TRPM2: variants seen among roughly 807,000 people sequenced by gnomAD.
The protein encoded by TRPM2 is estrogen-responsive element-associated gene 1 protein.
In TRPM2, 161 loss-of-function variants were observed where a neutral mutation model predicts 174.0. The observed-to-expected ratio is 0.93, with a 90% CI of 0.81 to 1.05. The LOEUF (loss-of-function observed/expected upper bound fraction) is 1.05. Ranked by LOEUF, TRPM2 falls within the 50% of genes least tolerant of loss-of-function variation. The pLI is 0.00. For missense variants in TRPM2, 2,057 were observed against 2,038.0 expected, an observed-to-expected ratio of 1.01 and a Z score of -0.18; for synonymous variants, 954 against 861.3, an observed-to-expected ratio of 1.11 and a Z score of -1.88.
chr21:44,382,826 G>C lies in TRPM2; in HGVS notation c.1318+6G>C. 1 of 1,611,392 alleles carries C rather than the reference G, an allele frequency of 6.2e-7. No individual in the cohort carries two copies. The stretch of plus-strand genomic sequence containing the variant: ...CTTGCAGGCCTTGCTGAAAGGTGAG[G>C]GTCAGGGAACATGGGGGCAATGGGG... On this transcript the variant is annotated splice_donor_region_variant and intron_variant, in intron 9 of 31. Coordinates refer to ENST00000397928, the MANE Select transcript of TRPM2 (RefSeq NM_003307.4).
In TRPM2 at chr21:44,366,680, A is replaced by G. The variant is rs2048371071; in HGVS notation, c.424-74A>G. 4 of 1,605,142 alleles carry G rather than the reference A, an allele frequency of 2.5e-6. No homozygotes were observed. The highest frequency in any genetic ancestry group is 2.1e-4 in the Middle Eastern group (1 of 4,820). On this transcript the variant is annotated intron_variant, in intron 3 of 31. Coordinates refer to ENST00000397928, the MANE Select transcript of TRPM2 (RefSeq NM_003307.4). The surrounding 1 kb of genome is among the most constrained non-coding windows in gnomAD (Gnocchi z 6.0). ...CTGCCGCCCGCTGGGGCCTCTCTGC[A>G]TGGCCTGTGTGGGTCGGTGCTGTCC...
At chr21:44,440,039 A>C (rs1292129408) in intron 30 of TRPM2, among the ~76,000 whole-genome samples, 1 of 151,268 alleles carries the variant, frequency 6.6e-6, no homozygotes, top group Non-Finnish European at 1.5e-5. Flanking sequence ...CGCTCTTTAT[A>C]AAAGCAGGCT....
chr21:44,397,947 C>G lies in TRPM2; in HGVS notation c.2062+71C>G, dbSNP rs1255794901. On this transcript the variant is annotated intron_variant, in intron 13 of 31. Coordinates refer to ENST00000397928, the MANE Select transcript of TRPM2 (RefSeq NM_003307.4). ...ATGCCCTCACCTGGAGTTCCCATCC[C>G]TGGGTCTCAGCCCCATGTGCCCTCA... 14 of 1,473,390 alleles carry G rather than the reference C, an allele frequency of 9.5e-6. No homozygotes were observed. In the East Asian group the frequency reaches 3.4e-4, roughly 36 times the overall value. The allele number at this position is 1,473,390 out of a possible 1,614,324, so 91.3% of individuals were successfully genotyped here.
In TRPM2 at chr21:44,399,532, TCA is replaced by T. The variant is rs2049543781; in HGVS notation, c.2208+96_2208+97del. On this transcript the variant is annotated intron_variant, in intron 14 of 31. Coordinates refer to ENST00000397928, the MANE Select transcript of TRPM2 (RefSeq NM_003307.4). The surrounding 1 kb of genome is among the most constrained non-coding windows in gnomAD (Gnocchi z 4.6). ...CTGTTCGTGCAGTTGGCACGCACAC[TCA>T]CACAGGCTTCAGGGCCCTCAGCAGC... is the stretch of plus-strand genomic sequence containing the variant. The T allele has an allele frequency of 6.7e-7, 1 of 1,487,082 alleles. No individual in the cohort carries two copies. The highest frequency in any genetic ancestry group is 9.0e-7 in the Non-Finnish European group (1 of 1,114,158). The allele number at this position is 1,487,082 out of a possible 1,614,324, so 92.1% of individuals were successfully genotyped here. A position where few individuals can be genotyped will look rare whatever the true frequency, so the allele number is the denominator to read the frequency against.
intron 28 of TRPM2, 132 bp downstream of exon 28, chr21:44,435,349 G>A (rs2051204173): frequency 1.1e-6 from 1 of 890,252 alleles, no homozygotes; most frequent in Non-Finnish European, 1.7e-6. Flanking sequence ...GTGCCTACTG[G>A]GGGGATGCGG....
rs141640522 is a variant in TRPM2, at chr21:44,354,732, G to A, written c.250G>A (p.Ala84Thr). Residue 84 changes from alanine to threonine, a missense_variant, in exon 2 of 32, where the codon GCT becomes ACT. Transcript: ENST00000397928. The surrounding 1 kb of genome is among the most constrained non-coding windows in gnomAD (Gnocchi z 4.3). ...YFVESSKLSD[A>T]GKVVCQCGYT... ...TGTGGAAAGTTCCAAACTGTCTGAT[G>A]CTGGGTAAGTGACGTGATTTGTGTG... The A allele has an allele frequency of 3.1e-6, 5 of 1,614,124 alleles. No individual in the cohort carries two copies. The highest frequency in any genetic ancestry group is 3.4e-6 in the Non-Finnish European group (4 of 1,179,966).
intron 5 of TRPM2, among the ~76,000 whole-genome samples, chr21:44,370,867 C>T (rs183991781): frequency 3.3e-5 from 5 of 152,326 alleles, no homozygotes; most frequent in African/African-American, 4.8e-5. Flanking sequence ...TGAGTTCAGA[C>T]GACTTCCCGT....
Position 44,369,211 on chromosome 21 carries a change from C to A in TRPM2, c.639C>A (p.Gly213=). 2 of 1,612,924 alleles carry A rather than the reference C, an allele frequency of 1.2e-6. No individual in the cohort carries two copies. The highest frequency in any genetic ancestry group is 1.7e-6 in the Non-Finnish European group (2 of 1,179,606). ...TCATCACAGGGGGGTCCCACACCGG[C>A]GTCATGAAGCAGGTAGGCGAGGCGG... ...AWIITGGSHT[G]VMKQVGEAVR... Residue 213 remains glycine (G), a synonymous_variant, in exon 5 of 32, where the codon GGC becomes GGA. Transcript: ENST00000397928.
At chr21:44,404,278 ATG>A (rs1271619295) in intron 16 of TRPM2, among the ~76,000 whole-genome samples, 2 of 151,346 alleles carry the variant, frequency 1.3e-5, no homozygotes, top group Non-Finnish European at 2.9e-5. Context: ...ATGCAAATGT[ATG>A]TGCATACACA....
intron 14 of TRPM2, 136 bp from the exon 15 acceptor site, chr21:44,400,123 T>G: frequency 1.5e-6 from 1 of 684,846 alleles, no homozygotes; most frequent in Non-Finnish European, 2.4e-6. Context: ...AAGCTCTGTG[T>G]CTTCACCACT....
intron 19 of TRPM2, among the ~76,000 whole-genome samples, chr21:44,407,751 C>T (rs1280973440): frequency 5.3e-5 from 8 of 151,726 alleles, no homozygotes; most frequent in African/African-American, 1.2e-4. Context: ...GGTTTGTCAC[C>T]GTGTATCAGT....
chr21:44,416,956 G>A (rs1272205248), intron 20 of TRPM2, among the ~76,000 whole-genome samples: 37 of 122,438 alleles, frequency 3.0e-4, no homozygotes, highest in African/African-American at 3.2e-4. Context: ...CAGTGGGCAC[G>A]TGGGCGTGGC....
At chr21:44,363,260 C>T (rs535469485) in intron 2 of TRPM2, among the ~76,000 whole-genome samples, 1 of 152,112 alleles carries the variant, frequency 6.6e-6, no homozygotes, top group Non-Finnish European at 1.5e-5. Context: ...GGATCACTGT[C>T]TTTTTCTTTT....
intron 22 of TRPM2, among the ~76,000 whole-genome samples, chr21:44,419,510 T>A (rs2050434142): frequency 1.0e-4 from 1 of 9,912 alleles, no homozygotes; most frequent in East Asian, 2.4e-3. Context: ...CCCTTACTTA[T>A]GAGTAGTGGG....
intron 20 of TRPM2, among the ~76,000 whole-genome samples, chr21:44,414,306 G>T (rs929465980): frequency 1.3e-5 from 2 of 152,246 alleles, no homozygotes; most frequent in Non-Finnish European, 2.9e-5. Flanking sequence ...TGTCCTTGTG[G>T]CTGCTGGGGA....
intron 22 of TRPM2, among the ~76,000 whole-genome samples, chr21:44,421,324 A>G (rs1458390867): frequency 1.3e-5 from 2 of 152,078 alleles, no homozygotes; most frequent in South Asian, 2.1e-4. Context: ...CCTAAAAAAA[A>G]AAAAAATTTA....
chr21:44,387,169 G>C (rs1189987025), intron 9 of TRPM2, among the ~76,000 whole-genome samples: 1 of 152,166 alleles, frequency 6.6e-6, no homozygotes, highest in East Asian at 1.9e-4. Flanking sequence ...CTGGGCAACA[G>C]AGCAAGACCC....
At position 44,431,857 on chromosome 21, in the gene TRPM2, G is replaced by A. The variant is rs112125712; in HGVS notation, c.3975-3274G>A. Among the ~76,000 whole-genome samples, 39 of 152,272 alleles carry A rather than the reference G, an allele frequency of 2.6e-4. 1 individual carries two copies. The highest frequency in any genetic ancestry group is 1.5e-3 in the East Asian group (8 of 5,192). On this transcript the variant is annotated intron_variant, in intron 27 of 31. Transcript: ENST00000397928. Reference sequence around the variant, plus strand: ...TTTGTTGGAGCGGGATTGGCAACACGCTGATTCTTGAAATTGAAATGTCCT... The same window carrying A: ...TTTGTTGGAGCGGGATTGGCAACACACTGATTCTTGAAATTGAAATGTCCT...
chr21:44,392,274 T>C (rs1405948031), intron 11 of TRPM2, among the ~76,000 whole-genome samples: 1 of 151,646 alleles, frequency 6.6e-6, no homozygotes, highest in Non-Finnish European at 1.5e-5. Context: ...ATTTTTATGT[T>C]TGAGACAGGG....
Sources: gnomAD v4.1 joint callset for allele counts (sites outside exome capture counted in the v4.1 genomes callset) on GRCh38, gnomAD v4.1.1 for gene constraint, Gnocchi (gnomAD v3.1) non-coding constraint, MANE v1.5 for transcripts, NCBI Gene and HGNC (gene_info 2026-07-23, HGNC 2026-07-21) for gene names.